Variants in HIRA observed in about 807,000 individuals in gnomAD.
HIRA encodes histone cell cycle regulator, also known as protein HIRA.
HIRA carries 13 observed loss-of-function variants against 126.6 expected under a neutral mutation model. The observed-to-expected ratio is 0.10, with a 90% CI of 0.07 to 0.16. The LOEUF (loss-of-function observed/expected upper bound fraction) is 0.16. Ranked by LOEUF, HIRA falls within the 10% of genes least tolerant of loss-of-function variation. The probability of loss-of-function intolerance (pLI) is 1.00; values close to 1 mark genes in which losing one functional copy is unlikely to be tolerated. For synonymous variants in HIRA, 511 were observed against 520.0 expected (o/e 0.98, Z 0.24); for missense variants, 834 against 1,314.4 (o/e 0.63, Z 5.65).
intron 23 of HIRA, among the ~76,000 whole-genome samples, chr22:19,352,135 C>G (rs1362668582): frequency 6.6e-6 from 1 of 151,720 alleles, no homozygotes; most frequent in Non-Finnish European, 1.5e-5. Flanking sequence ...CTTTTACAGC[C>G]AAGGAAACAA....
chr22:19,342,513 A>T lies in HIRA; in HGVS notation c.2937+8845T>A, dbSNP rs188596798. Among the ~76,000 whole-genome samples the T allele has an allele frequency of 5.1e-3, 775 of 152,218 alleles. 8 individuals are homozygous for T. The highest frequency in any genetic ancestry group is 0.024 in the South Asian group (115 of 4,814). ...GTGATTCTCCTGCCTCAGCCTCCTG[A>T]GTAGCTGGGACTATAGGCATGCGCC... On this transcript the variant is annotated intron_variant, in intron 24 of 24. Coordinates refer to ENST00000263208, the MANE Select transcript of HIRA (RefSeq NM_003325.4).
chr22:19,427,341 C>A (rs5746736), intron 1 of HIRA, among the ~76,000 whole-genome samples: 1 of 152,186 alleles, frequency 6.6e-6, no homozygotes, highest in Non-Finnish European at 1.5e-5. Flanking sequence ...GGATCCTTTC[C>A]CTGCCAATTC....
intron 1 of HIRA, among the ~76,000 whole-genome samples, chr22:19,414,115 CCAAG>C (rs2089376100): frequency 6.6e-6 from 1 of 152,154 alleles, no homozygotes; most frequent in Non-Finnish European, 1.5e-5. Flanking sequence ...TCTAGAGACA[CCAAG>C]CAATCACCTA....
chr22:19,372,936 G>A (rs1025968868), intron 15 of HIRA, among the ~76,000 whole-genome samples: 1 of 152,172 alleles, frequency 6.6e-6, no homozygotes, highest in African/African-American at 2.4e-5. Flanking sequence ...AGGCTGGTCT[G>A]AATTACTGGG....
chr22:19,385,885 T>C, intron 11 of HIRA, 149 bp from the exon 12 acceptor site: 2 of 682,352 alleles, frequency 2.9e-6, no homozygotes, highest in South Asian at 1.9e-5. Flanking sequence ...CATCCTATTC[T>C]GCCTGTCCCT....
At chr22:19,427,221 C>G (rs532288071) in intron 1 of HIRA, among the ~76,000 whole-genome samples, 1 of 152,302 alleles carries the variant, frequency 6.6e-6, no homozygotes, top group African/African-American at 2.4e-5. Flanking sequence ...CCTGCCCAAC[C>G]CTGTTGTGAC....
intron 1 of HIRA, among the ~76,000 whole-genome samples, chr22:19,417,608 G>A (rs952778237): frequency 1.3e-5 from 2 of 152,148 alleles, no homozygotes; most frequent in African/African-American, 4.8e-5. Flanking sequence ...GAGACACAGT[G>A]AGACTCCGTC....
intron 1 of HIRA, among the ~76,000 whole-genome samples, chr22:19,430,742 T>C (rs1177370053): frequency 1.3e-5 from 2 of 152,112 alleles, no homozygotes; most frequent in Non-Finnish European, 2.9e-5. Context: ...TGATTACCAC[T>C]AGCCTCTCTG....
intron 15 of HIRA, among the ~76,000 whole-genome samples, chr22:19,374,482 G>T (rs2088998904): frequency 6.6e-6 from 1 of 152,168 alleles, no homozygotes; most frequent in African/African-American, 2.4e-5. Flanking sequence ...AAACAAGCAT[G>T]ATTAGATTAC....
chr22:19,399,209 ATGAT>A (rs1415192037), intron 5 of HIRA: 2 of 941,430 alleles, frequency 2.1e-6, no homozygotes, highest in Non-Finnish European at 1.3e-6. Context: ...ATACAGAAGA[ATGAT>A]TGGTGAGTTG....
chr22:19,406,111 G>A (rs1457253492), intron 4 of HIRA, among the ~76,000 whole-genome samples: 1 of 152,166 alleles, frequency 6.6e-6, no homozygotes, highest in East Asian at 1.9e-4. Context: ...TTCACAATAA[G>A]TGAAAGAAGC....
intron 15 of HIRA, among the ~76,000 whole-genome samples, chr22:19,368,722 T>A (rs534016987): frequency 6.6e-6 from 1 of 152,326 alleles, no homozygotes; most frequent in East Asian, 1.9e-4. Context: ...TATGTAACTA[T>A]CGTTTTGTAA....
At chr22:19,354,177 T>C in intron 21 of HIRA, 59 bp from the exon 22 acceptor site, 1 of 1,550,732 alleles carries the variant, frequency 6.4e-7, no homozygotes, top group East Asian at 2.3e-5. Context: ...GTTGGCCTCT[T>C]TGCCAACCAG....
At chr22:19,342,377 G>A (rs1251753014) in intron 24 of HIRA, among the ~76,000 whole-genome samples, 2 of 152,120 alleles carry the variant, frequency 1.3e-5, no homozygotes, top group Non-Finnish European at 2.9e-5. Flanking sequence ...TACAACCACC[G>A]TGGAAAACAG....
chr22:19,424,315 C>T (rs2089472213), intron 1 of HIRA, among the ~76,000 whole-genome samples: 1 of 152,220 alleles, frequency 6.6e-6, no homozygotes, highest in African/African-American at 2.4e-5. Flanking sequence ...GACCAATCAG[C>T]CAATGGGGAA....
At chr22:19,394,302 A>G in intron 8 of HIRA, 40 bp downstream of exon 8, 3 of 1,599,824 alleles carry the variant, frequency 1.9e-6, no homozygotes, top group Non-Finnish European at 2.6e-6. Context: ...TATTTGCTGA[A>G]TCTTGGAGCC....
rs574776632 is a variant in HIRA, at chr22:19,382,885, C to T, written c.1415+735G>A. On this transcript the variant is annotated intron_variant, in intron 13 of 24. Coordinates refer to ENST00000263208, the MANE Select transcript of HIRA (RefSeq NM_003325.4). Reference sequence around the variant, plus strand: ...AGCAAGTGGTGAATGAGTCTCTTCCCCCTTCTCTGTCCCCCACAGGGAAAT... The same window carrying T: ...AGCAAGTGGTGAATGAGTCTCTTCCTCCTTCTCTGTCCCCCACAGGGAAAT... Among the ~76,000 whole-genome samples the T allele has an allele frequency of 2.0e-5, 3 of 152,080 alleles. No homozygotes were observed. In the South Asian group the frequency reaches 6.2e-4, roughly 32 times the overall value.
At position 19,387,975 on chromosome 22, in the gene HIRA, G is replaced by T. The variant is rs5992396; in HGVS notation, c.1008-159C>A. On this transcript the variant is annotated intron_variant, in intron 10 of 24. Coordinates refer to ENST00000263208, the MANE Select transcript of HIRA (RefSeq NM_003325.4). ...TGGTTCCCTTCTTTGGCCTGGGCGG[G>T]GGGGGGAGGGGGCGACAATTGTATC... Among the ~76,000 whole-genome samples, 88 of 151,374 alleles carry T rather than the reference G, an allele frequency of 5.8e-4. 1 individual carries two copies. The highest frequency in any genetic ancestry group is 1.6e-3 in the African/African-American group (64 of 41,208).
intron 21 of HIRA, among the ~76,000 whole-genome samples, chr22:19,354,353 T>G (rs1556011856): frequency 6.6e-6 from 1 of 152,266 alleles, no homozygotes; most frequent in East Asian, 1.9e-4. Flanking sequence ...AAGTGAAGGC[T>G]GTGGATAGGG....
Sources: gnomAD v4.1 joint callset for allele counts (sites outside exome capture counted in the v4.1 genomes callset) on GRCh38, gnomAD v4.1.1 for gene constraint, MANE v1.5 for transcripts, NCBI Gene and HGNC (gene_info 2026-07-23, HGNC 2026-07-21) for gene names.